EPHB2: variants seen among roughly 807,000 people sequenced by gnomAD.
EPHB2 encodes the protein ephrin type-B receptor 2.
Under a neutral mutation model 96.4 loss-of-function variants are expected in EPHB2, and 18 were observed. The observed-to-expected ratio is 0.19, with a 90% CI of 0.13 to 0.28. The LOEUF (loss-of-function observed/expected upper bound fraction) is 0.28, where lower values mean the gene tolerates loss of function less well. Among genes scored for constraint, EPHB2 ranks in the 10% least tolerant of loss-of-function variants. The probability of loss-of-function intolerance (pLI) is 1.00; values close to 1 mark genes in which losing one functional copy is unlikely to be tolerated. For missense variants in EPHB2, 989 were observed against 1,355.4 expected (o/e 0.73, Z 4.25); for synonymous variants, 506 against 534.1 (o/e 0.95, Z 0.72).
At chr1:22,728,035 C>T (rs1643623053) in intron 1 of EPHB2, among the ~76,000 whole-genome samples, 1 of 152,124 alleles carries the variant, frequency 6.6e-6, no homozygotes, top group Admixed American at 6.5e-5. Flanking sequence ...GTCTTAACCA[C>T]TCTGAACCTC....
At chr1:22,727,154 A>G (rs942367842) in intron 1 of EPHB2, among the ~76,000 whole-genome samples, 6 of 152,246 alleles carry the variant, frequency 3.9e-5, no homozygotes, top group Non-Finnish European at 7.3e-5. Flanking sequence ...GAAGCCTGGC[A>G]TGGGAGGAGG....
Position 22,775,307 on chromosome 1 carries a change from C to T in EPHB2, c.62-6114C>T, listed in dbSNP as rs1570254033. 3.9e-5 allele frequency: 30 copies of T among 774,528 alleles called. 1 individual carries two copies. Among genetic ancestry groups the T allele is most frequent in the South Asian group, 3.7e-4 (27 of 73,654 alleles). The allele number at this position is 774,528 out of a possible 1,614,324, so 48.0% of individuals were successfully genotyped here. On this transcript the variant is annotated intron_variant, in intron 1 of 15. Coordinates refer to ENST00000374630, the MANE Select transcript of EPHB2 (RefSeq NM_017449.5). ...GAAATGGGGTTAATAATAGTATATA[C>T]TTCTGGAGGTTGCGCCTGAAATGGC...
chr1:22,758,073 C>T (rs527485475), intron 1 of EPHB2, among the ~76,000 whole-genome samples: 1 of 145,474 alleles, frequency 6.9e-6, no homozygotes, highest in African/African-American at 2.5e-5. Context: ...CGCCCGCTAC[C>T]ACACCCGGCT....
rs1644587534 is a variant in EPHB2, at chr1:22,784,931, C to T, written c.666C>T (p.Ala222=). The stretch of plus-strand genomic sequence containing the variant: ...CTGAGAGCACATCGCTGGTGGCTGC[C>T]CGGGGCAGCTGCATCGCCAATGCGG... ...SGAESTSLVA[A]RGSCIANAEE... The change falls in exon 3 of 16, where the codon GCC becomes GCT. Residue 222 remains alanine (A), a synonymous_variant. Coordinates refer to ENST00000374630, the MANE Select transcript of EPHB2 (RefSeq NM_017449.5). This position sits in a 1 kb window ranked among gnomAD's most constrained non-coding sequence, Gnocchi z 5.1. 6.2e-7 allele frequency: 1 copy of T among 1,613,838 alleles called. No individual in the cohort carries two copies. The highest frequency in any genetic ancestry group is 8.5e-7 in the Non-Finnish European group (1 of 1,180,048).
intron 1 of EPHB2, among the ~76,000 whole-genome samples, chr1:22,728,950 G>A (rs1400084303): frequency 6.6e-6 from 1 of 152,224 alleles, no homozygotes; most frequent in Admixed American, 6.5e-5. Context: ...GTCCCAAGGT[G>A]CGAGGTTCCA....
chr1:22,788,742 CTTTTGT>C (rs1437075164), intron 3 of EPHB2, among the ~76,000 whole-genome samples: 1 of 127,812 alleles, frequency 7.8e-6, no homozygotes, highest in African/African-American at 3.0e-5. Context: ...GTTTTTTTGT[CTTTTGT>C]TTTTGTTTTT....
intron 3 of EPHB2, among the ~76,000 whole-genome samples, chr1:22,786,905 T>C (rs961886056): frequency 6.6e-6 from 1 of 152,106 alleles, no homozygotes; most frequent in African/African-American, 2.4e-5. Flanking sequence ...ACAAATTTGG[T>C]TTTACGTCCT....
intron 3 of EPHB2, among the ~76,000 whole-genome samples, chr1:22,796,631 C>G (rs1394448213): frequency 6.6e-6 from 1 of 152,204 alleles, no homozygotes. Flanking sequence ...AACTGAGGCC[C>G]AAGAAGTTAG....
At chr1:22,787,731 AG>A (rs1275930993) in intron 3 of EPHB2, among the ~76,000 whole-genome samples, 1 of 152,226 alleles carries the variant, frequency 6.6e-6, no homozygotes, top group Non-Finnish European at 1.5e-5. Context: ...TGACAGAGCA[AG>A]ACCCTGTCTC....
At chr1:22,853,041 T>C (rs943903821) in intron 3 of EPHB2, among the ~76,000 whole-genome samples, 4 of 152,248 alleles carry the variant, frequency 2.6e-5, no homozygotes, top group Admixed American at 2.6e-4. Flanking sequence ...ACAAGTTGAA[T>C]GAGCTTAAGC....
chr1:22,851,425 G>A (rs1205495751), intron 3 of EPHB2, among the ~76,000 whole-genome samples: 2 of 152,218 alleles, frequency 1.3e-5, no homozygotes, highest in African/African-American at 2.4e-5. Context: ...CAAGGACATG[G>A]GAGAGCAAGG....
chr1:22,724,933 C>T (rs1434008605), intron 1 of EPHB2, among the ~76,000 whole-genome samples: 1 of 152,108 alleles, frequency 6.6e-6, no homozygotes, highest in African/African-American at 2.4e-5. Context: ...CCCTTTTCAC[C>T]ATCTCTCCCT....
intron 5 of EPHB2, 40 bp from the exon 6 acceptor site, chr1:22,882,319 T>C (rs1639074581): frequency 1.9e-6 from 3 of 1,610,752 alleles, no homozygotes; most frequent in Admixed American, 1.7e-5. Flanking sequence ...CTGCACCTTC[T>C]CATGCCTCCC....
At chr1:22,802,710 C>T (rs1350823575) in intron 3 of EPHB2, among the ~76,000 whole-genome samples, 1 of 152,124 alleles carries the variant, frequency 6.6e-6, no homozygotes, top group Middle Eastern at 3.2e-3. Context: ...TCCCTGATGC[C>T]CTTCCCCACA....
At chr1:22,849,480 A>C (rs1484858926) in intron 3 of EPHB2, among the ~76,000 whole-genome samples, 3 of 152,174 alleles carry the variant, frequency 2.0e-5, no homozygotes, top group Non-Finnish European at 4.4e-5. Flanking sequence ...ACCAGAACCG[A>C]GCAGTCTATG....
In EPHB2 at chr1:22,912,538, A is replaced by C; in HGVS notation, c.2791A>C (p.Lys931Gln). The C allele has an allele frequency of 6.2e-7, 1 of 1,614,094 alleles. No homozygotes were observed. Among genetic ancestry groups the C allele is most frequent in the South Asian group, 1.1e-5 (1 of 91,084 alleles). ...GGAGGCCATCAAGATGGGGCAGTAC[A>C]AGGAGAGCTTCGCCAATGCCGGCTT... Reference protein sequence around the residue: ...WLEAIKMGQYKESFANAGFTS... With the variant: ...WLEAIKMGQYQESFANAGFTS... Residue 931 changes from lysine to glutamine, a missense_variant, in exon 15 of 16, where the codon AAG becomes CAG. Transcript: ENST00000374630.
intron 12 of EPHB2, among the ~76,000 whole-genome samples, chr1:22,908,502 C>T (rs367844281): frequency 6.6e-6 from 1 of 152,218 alleles, no homozygotes; most frequent in Non-Finnish European, 1.5e-5. Context: ...TGGCAAAGTC[C>T]TGTGACAGGA....
intron 1 of EPHB2, among the ~76,000 whole-genome samples, chr1:22,776,009 G>C (rs541146148): frequency 2.0e-5 from 3 of 152,172 alleles, no homozygotes; most frequent in Non-Finnish European, 4.4e-5. Flanking sequence ...TGGTACCAGC[G>C]AGGCTGGCAA....
rs1185721165 is a variant in EPHB2 at position 22,858,590 on chromosome 1, T to C, written c.812-4447T>C. 1.3e-5 allele frequency among the ~76,000 whole-genome samples: 2 copies of C among 152,196 alleles called. No homozygotes were observed. The highest frequency in any genetic ancestry group is 2.9e-5 in the Non-Finnish European group (2 of 68,028). ...CTGTGTTTCAGGTCTCATTGTCTTC[T>C]TCCCACTTCTGCACGTGACATGCAG... is the stretch of plus-strand genomic sequence containing the variant. On this transcript the variant is annotated intron_variant, in intron 3 of 15. Transcript: ENST00000374630. This position sits in a 1 kb window ranked among gnomAD's most constrained non-coding sequence, Gnocchi z 7.7.
Sources: allele counts gnomAD v4.1 joint callset (sites outside exome capture counted in the v4.1 genomes callset), GRCh38; gene constraint gnomAD v4.1.1; non-coding constraint Gnocchi (gnomAD v3.1); transcripts MANE v1.5; gene names NCBI Gene and HGNC (gene_info 2026-07-23, HGNC 2026-07-21).